The following DPYD variants were observed in gnomAD, a reference collection of about 807,000 sequenced individuals.
DPYD encodes the protein dihydropyrimidine dehydrogenase.
Under a neutral mutation model 116.2 loss-of-function variants are expected in DPYD, and 109 were observed. The ratio of observed to expected loss-of-function variants is 0.94; its 90% CI spans 0.80 to 1.10. The LOEUF (loss-of-function observed/expected upper bound fraction) is 1.10, where lower values mean the gene tolerates loss of function less well. Among genes scored for constraint, DPYD ranks in the 50% least tolerant of loss-of-function variants. DPYD has a pLI of 0.00. For synonymous variants in DPYD, 440 were observed against 432.0 expected (o/e 1.02, Z -0.23); for missense variants, 1,302 against 1,254.5 (o/e 1.04, Z -0.57).
At chr1:97,892,720 T>C (rs1553256442) in intron 1 of DPYD, among the ~76,000 whole-genome samples, 1 of 151,828 alleles carries the variant, frequency 6.6e-6, no homozygotes, top group Non-Finnish European at 1.5e-5. Flanking sequence ...ATACTTTTTT[T>C]CCCATTTTAC....
chr1:97,133,943 G>A (rs1653525819), intron 20 of DPYD, among the ~76,000 whole-genome samples: 2 of 145,376 alleles, frequency 1.4e-5, no homozygotes, highest in African/African-American at 5.2e-5. Context: ...AGGTTGCAGT[G>A]AGCTGAGATC....
chr1:97,700,190 C>T (rs1661521304), intron 5 of DPYD: 1 of 454,616 alleles, frequency 2.2e-6, no homozygotes, highest in African/African-American at 2.0e-5. Flanking sequence ...GACTTCTTAC[C>T]AAAGGGAGGA....
chr1:97,236,895 G>A (rs1288822792), intron 18 of DPYD, among the ~76,000 whole-genome samples: 1 of 152,108 alleles, frequency 6.6e-6, no homozygotes, highest in Admixed American at 6.6e-5. Context: ...CAATTTTGCT[G>A]TGAATCTAAA....
intron 2 of DPYD, among the ~76,000 whole-genome samples, chr1:97,838,948 A>C (rs1322736584): frequency 6.6e-6 from 1 of 152,224 alleles, no homozygotes; most frequent in Non-Finnish European, 1.5e-5. Context: ...GGCCAATGCT[A>C]GAACAACAGG....
intron 3 of DPYD, chr1:97,796,783 G>A (rs868824987): frequency 1.9e-4 from 29 of 152,104 alleles, no homozygotes; most frequent in Non-Finnish European, 4.0e-4. Context: ...TTTCACAGTA[G>A]CTCACGTTAC....
chr1:97,237,440 G>A (rs1034839281), intron 18 of DPYD, among the ~76,000 whole-genome samples: 4 of 151,972 alleles, frequency 2.6e-5, no homozygotes, highest in African/African-American at 9.7e-5. Flanking sequence ...CCTTAGTTAG[G>A]AATATTCAAT....
At chr1:97,517,350 T>C (rs1239063814) in intron 12 of DPYD, among the ~76,000 whole-genome samples, 1 of 152,012 alleles carries the variant, frequency 6.6e-6, no homozygotes, top group Non-Finnish European at 1.5e-5. Flanking sequence ...CAATGTAAAA[T>C]ATAGGAAATT....
intron 3 of DPYD, among the ~76,000 whole-genome samples, chr1:97,764,175 A>T (rs1036521474): frequency 1.3e-5 from 2 of 152,038 alleles, no homozygotes; most frequent in Non-Finnish European, 2.9e-5. Context: ...AAAAAGTGAA[A>T]AAAGGAGGGA....
rs188036127 is a variant in DPYD, at chr1:97,862,775, G to C, written c.150+20489C>G. On this transcript the variant is annotated intron_variant, in intron 2 of 22. Coordinates refer to ENST00000370192, the MANE Select transcript of DPYD (RefSeq NM_000110.4). ...AAACATTAGAACATTAAAAAATAATGACCTAATATTATATCAAATTAAAAA... is the reference window on the plus strand; with the variant it reads ...AAACATTAGAACATTAAAAAATAATCACCTAATATTATATCAAATTAAAAA... 4.7e-3 allele frequency among the ~76,000 whole-genome samples: 720 copies of C among 151,860 alleles called. 2 individuals are homozygous for C. Among genetic ancestry groups the C allele is most frequent in the Non-Finnish European group, 6.4e-3 (434 of 67,806 alleles).
At chr1:97,841,157 C>T (rs550703506) in intron 2 of DPYD, among the ~76,000 whole-genome samples, 22 of 151,968 alleles carry the variant, frequency 1.4e-4, no homozygotes, top group African/African-American at 5.1e-4. Context: ...CAAAATGCTG[C>T]AATGAAAATG....
At chr1:97,532,133 T>C (rs576951705) in intron 12 of DPYD, among the ~76,000 whole-genome samples, 10 of 152,290 alleles carry the variant, frequency 6.6e-5, no homozygotes, top group Non-Finnish European at 1.5e-4. Context: ...GCATATGGTT[T>C]TTGCCCATCA....
intron 3 of DPYD, among the ~76,000 whole-genome samples, chr1:97,813,807 A>G (rs1239348043): frequency 6.6e-6 from 1 of 151,996 alleles, no homozygotes; most frequent in Non-Finnish European, 1.5e-5. Flanking sequence ...TAATTTCATG[A>G]TATCTATTAT....
intron 2 of DPYD, among the ~76,000 whole-genome samples, chr1:97,845,125 G>T (rs1042169896): frequency 6.6e-6 from 1 of 152,178 alleles, no homozygotes; most frequent in Admixed American, 6.5e-5. Flanking sequence ...GCAGCAATAC[G>T]CAGACAGCCT....
intron 3 of DPYD, among the ~76,000 whole-genome samples, chr1:97,778,213 A>AGAGG (rs1666534101): frequency 1.6e-5 from 2 of 126,174 alleles, no homozygotes; most frequent in South Asian, 3.1e-4. Flanking sequence ...AGAGAGAGAG[A>AGAGG]GAGAGAGGGA....
rs1481110239 is a variant in DPYD at position 97,573,931 on chromosome 1, A to G, written c.1168T>C (p.Phe390Leu). The G allele has an allele frequency of 6.2e-7, 1 of 1,613,718 alleles. No individual in the cohort carries two copies. Among genetic ancestry groups the G allele is most frequent in the Non-Finnish European group, 8.5e-7 (1 of 1,179,668 alleles). ...ACTATAACCTTCCGTGGGGACAGGAATGGCAGAAATTCACACTTTTCTTCC... is the reference window on the plus strand; with the variant it reads ...ACTATAACCTTCCGTGGGGACAGGAGTGGCAGAAATTCACACTTTTCTTCC... ...AKEEKCEFLP[F>L]LSPRKVIVKG... is the part of the protein sequence containing the mutation. The change falls in exon 11 of 23, where the codon TTC (phenylalanine) becomes CTC (leucine). Residue 390 changes from phenylalanine to leucine, a missense_variant. By Grantham distance (22) the Phe-to-Leu change is conservative (BLOSUM62 0). Transcript: ENST00000370192.
chr1:97,706,268 C>T (rs938003091), intron 5 of DPYD, among the ~76,000 whole-genome samples: 1 of 151,874 alleles, frequency 6.6e-6, no homozygotes, highest in Non-Finnish European at 1.5e-5. Context: ...ATTTAAAAAA[C>T]ACTGAACTAC....
intron 4 of DPYD, among the ~76,000 whole-genome samples, chr1:97,722,624 T>C (rs2101028431): frequency 6.6e-6 from 1 of 151,730 alleles, no homozygotes; most frequent in South Asian, 2.1e-4. Context: ...TTCCTTTGGC[T>C]TTTATTTGTA....
chr1:97,353,626 TG>T (rs1670259680), intron 16 of DPYD, among the ~76,000 whole-genome samples: 3 of 141,854 alleles, frequency 2.1e-5, no homozygotes, highest in African/African-American at 5.5e-5. Context: ...AACTGCATTC[TG>T]TTTTTTTTTT....
At chr1:97,713,821 A>T (rs1199679802) in intron 5 of DPYD, among the ~76,000 whole-genome samples, 1 of 152,128 alleles carries the variant, frequency 6.6e-6, no homozygotes. Flanking sequence ...ATTCACAAAT[A>T]ATTGAATAGT....
Sources: allele counts gnomAD v4.1 joint callset (sites outside exome capture counted in the v4.1 genomes callset), GRCh38; gene constraint gnomAD v4.1.1; transcripts MANE v1.5; gene names NCBI Gene and HGNC (gene_info 2026-07-23, HGNC 2026-07-21).